Variants in BPGM observed in about 807,000 individuals in gnomAD.
The protein encoded by BPGM is 2,3-bisphosphoglycerate mutase, erythrocyte.
In BPGM, 15 loss-of-function variants were observed where a neutral mutation model predicts 21.6. The observed-to-expected ratio is 0.70, with a 90% CI of 0.47 to 1.07. The LOEUF is 1.07. BPGM is among the 50% of genes least tolerant of loss of function. The pLI is 0.00. For synonymous variants in BPGM, 113 were observed against 116.2 expected (o/e 0.97, Z 0.18); for missense variants, 273 against 319.0 (o/e 0.86, Z 1.10).
At chr7:134,659,614 C>T (rs1302011924) in intron 1 of BPGM, among the ~76,000 whole-genome samples, 1 of 152,178 alleles carries the variant, frequency 6.6e-6, no homozygotes, top group African/African-American at 2.4e-5. Flanking sequence ...ATTCTCAGCT[C>T]TGTGGGATGC....
At position 134,655,160 on chromosome 7, in the gene BPGM, C is replaced by A. The variant is rs573467582; in HGVS notation, c.-61-6287C>A. On this transcript the variant is annotated intron_variant, in intron 1 of 2. Coordinates refer to ENST00000344924, the MANE Select transcript of BPGM (RefSeq NM_001724.5). ...AGCTTTTATGAAAAACAAAACAAAA[C>A]AAAAAAAATAAAGCTTGAGGTTGAA... 4.0e-5 allele frequency among the ~76,000 whole-genome samples: 6 copies of A among 151,648 alleles called. No homozygotes were observed. The East Asian group carries it at 7.7e-4, about 20-fold the overall frequency.
At position 134,661,210 on chromosome 7, in the gene BPGM, G is replaced by A. The variant is rs1240934316; in HGVS notation, c.-61-237G>A. 6.6e-6 allele frequency among the ~76,000 whole-genome samples: 1 copy of A among 152,180 alleles called. No homozygotes were observed. Among genetic ancestry groups the A allele is most frequent in the Non-Finnish European group, 1.5e-5 (1 of 68,036 alleles). On this transcript the variant is annotated intron_variant, in intron 1 of 2. Coordinates refer to ENST00000344924, the MANE Select transcript of BPGM (RefSeq NM_001724.5). The surrounding 1 kb of genome is among the most constrained non-coding windows in gnomAD (Gnocchi z 4.6). ...AGAATGAAGTGTTTTGTTATTTTATGTCATGCAATTAACATGCTATCCAAA... is the reference window on the plus strand; with the variant it reads ...AGAATGAAGTGTTTTGTTATTTTATATCATGCAATTAACATGCTATCCAAA...
intron 1 of BPGM, among the ~76,000 whole-genome samples, chr7:134,659,953 T>C (rs899128518): frequency 1.3e-5 from 2 of 152,170 alleles, no homozygotes; most frequent in Non-Finnish European, 2.9e-5. Context: ...TAAGTAACAA[T>C]ATGTATACCA....
At chr7:134,653,944 A>C (rs1795595908) in intron 1 of BPGM, among the ~76,000 whole-genome samples, 1 of 151,972 alleles carries the variant, frequency 6.6e-6, no homozygotes, top group Admixed American at 6.6e-5. Context: ...CTTTGCCTTC[A>C]CTCACTGTTC....
chr7:134,670,316 A>T (rs1000869545), intron 2 of BPGM, among the ~76,000 whole-genome samples: 4 of 152,188 alleles, frequency 2.6e-5, no homozygotes, highest in Non-Finnish European at 5.9e-5. Flanking sequence ...AGCTGTGGGG[A>T]CGGGGACTGA....
intron 2 of BPGM, among the ~76,000 whole-genome samples, chr7:134,671,634 G>A (rs1795906586): frequency 6.6e-6 from 1 of 152,174 alleles, no homozygotes; most frequent in African/African-American, 2.4e-5. Context: ...AAAGTGCTGG[G>A]ATTATGGGCA....
Position 134,661,338 on chromosome 7 carries a change from G to A in BPGM, c.-61-109G>A. The A allele has an allele frequency of 1.1e-6, 1 of 882,048 alleles. No individual in the cohort carries two copies. The highest frequency in any genetic ancestry group is 1.7e-6 in the Non-Finnish European group (1 of 571,984). 54.6% of individuals were successfully genotyped at this position (882,048 alleles called of 1,614,324 possible). A position where few individuals can be genotyped will look rare whatever the true frequency, so the allele number is the denominator to read the frequency against. On this transcript the variant is annotated intron_variant, in intron 1 of 2. Coordinates refer to ENST00000344924, the MANE Select transcript of BPGM (RefSeq NM_001724.5). This position sits in a 1 kb window ranked among gnomAD's most constrained non-coding sequence, Gnocchi z 4.6. ...TGTATGAGTTATCACATTTCTGACT[G>A]TTCAAAGGGATTTCAGTTTCTTTTA...
intron 1 of BPGM, among the ~76,000 whole-genome samples, chr7:134,654,344 G>A (rs991935273): frequency 6.6e-6 from 1 of 152,188 alleles, no homozygotes; most frequent in African/African-American, 2.4e-5. Flanking sequence ...GGGTTTCCAA[G>A]AACTGAAGAC....
chr7:134,650,885 A>G (rs1458694726), intron 1 of BPGM, among the ~76,000 whole-genome samples: 1 of 152,234 alleles, frequency 6.6e-6, no homozygotes, highest in Non-Finnish European at 1.5e-5. Context: ...AGATCACGCC[A>G]CTGCACTCCA....
chr7:134,648,221 C>T (rs1215148459), intron 1 of BPGM, among the ~76,000 whole-genome samples: 3 of 151,528 alleles, frequency 2.0e-5, no homozygotes. Context: ...CCGCAACCTC[C>T]GCCTCCTGGA....
chr7:134,658,642 T>G (rs1180400640), intron 1 of BPGM: 2 of 152,256 alleles, frequency 1.3e-5, no homozygotes, highest in Non-Finnish European at 2.9e-5. Flanking sequence ...TTTCTATGTT[T>G]GCAAGCTAAT....
At chr7:134,652,451 T>C (rs1795571138) in intron 1 of BPGM, among the ~76,000 whole-genome samples, 1 of 152,210 alleles carries the variant, frequency 6.6e-6, no homozygotes, top group African/African-American at 2.4e-5. Context: ...CCTCATGCAT[T>C]TGTCTATTAC....
chr7:134,675,915 T>C (rs187816971), intron 2 of BPGM, among the ~76,000 whole-genome samples: 2 of 152,348 alleles, frequency 1.3e-5, no homozygotes, highest in East Asian at 3.9e-4. Flanking sequence ...GAGTATAGTT[T>C]TGTACTTCTT....
chr7:134,672,749 T>C (rs1176115655), intron 2 of BPGM, among the ~76,000 whole-genome samples: 2 of 152,222 alleles, frequency 1.3e-5, no homozygotes, highest in African/African-American at 4.8e-5. Context: ...TTTGGTTTAA[T>C]ATAGTTCAGA....
At chr7:134,656,359 T>TG (rs770116507) in intron 1 of BPGM, among the ~76,000 whole-genome samples, 25 of 152,094 alleles carry the variant, frequency 1.6e-4, no homozygotes, top group East Asian at 5.8e-4. Flanking sequence ...AGACATACTG[T>TG]GAAAAAAAAG....
chr7:134,660,534 T>C (rs1795714008), intron 1 of BPGM: 1 of 152,290 alleles, frequency 6.6e-6, no homozygotes, highest in Non-Finnish European at 1.5e-5. Flanking sequence ...CAGCATAGCT[T>C]GAGAGTTGCT....
chr7:134,668,267 G>A (rs1443334849), intron 2 of BPGM, among the ~76,000 whole-genome samples: 2 of 152,120 alleles, frequency 1.3e-5, no homozygotes, highest in Non-Finnish European at 2.9e-5. Flanking sequence ...TTGGCATCAA[G>A]AACTCTACTC....
chr7:134,659,376 TG>T, intron 1 of BPGM, among the ~76,000 whole-genome samples: 3 of 72,234 alleles, frequency 4.2e-5, no homozygotes, highest in African/African-American at 1.8e-4. Flanking sequence ...CCCCTCCGTG[TG>T]TGTGTGTGTG....
chr7:134,647,489 G>T (rs1474841393), intron 1 of BPGM, among the ~76,000 whole-genome samples: 1 of 152,202 alleles, frequency 6.6e-6, no homozygotes, highest in Non-Finnish European at 1.5e-5. Flanking sequence ...AAACGTAAGT[G>T]TATTTTCCTC....
Sources: gnomAD v4.1 joint callset for allele counts (sites outside exome capture counted in the v4.1 genomes callset) on GRCh38, gnomAD v4.1.1 for gene constraint, Gnocchi (gnomAD v3.1) non-coding constraint, MANE v1.5 for transcripts, NCBI Gene and HGNC (gene_info 2026-07-23, HGNC 2026-07-21) for gene names.